The following PLCG2 variants were observed in gnomAD, a reference collection of about 807,000 sequenced individuals.
PLCG2 encodes the protein 1-phosphatidylinositol 4,5-bisphosphate phosphodiesterase gamma-2.
Under a neutral mutation model 175.6 loss-of-function variants are expected in PLCG2, and 69 were observed. That is an observed-to-expected ratio of 0.39 (90% CI 0.32 to 0.48). The LOEUF (loss-of-function observed/expected upper bound fraction) is 0.48. PLCG2 is among the 20% of genes least tolerant of loss of function. PLCG2 has a pLI of 0.91. For missense variants in PLCG2, 1,798 were observed against 1,650.9 expected (o/e 1.09, Z -1.54); for synonymous variants, 827 against 624.0 (o/e 1.33, Z -4.85).
intron 23 of PLCG2, 142 bp from the exon 24 acceptor site, chr16:81,928,416 C>G (rs1001314972): frequency 1.6e-6 from 1 of 636,924 alleles, no homozygotes; most frequent in Non-Finnish European, 2.9e-6. Flanking sequence ...TAGCTCTCTC[C>G]CCATGGACGT....
At chr16:81,942,914 A>G (rs1039417930) in intron 30 of PLCG2, among the ~76,000 whole-genome samples, 1 of 142,158 alleles carries the variant, frequency 7.0e-6, no homozygotes, top group Non-Finnish European at 1.5e-5. Context: ...GAAGAAAAAC[A>G]ATTATTTTTT....
At chr16:81,780,990 G>A (rs533622850) in intron 1 of PLCG2, among the ~76,000 whole-genome samples, 1 of 152,220 alleles carries the variant, frequency 6.6e-6, no homozygotes, top group Admixed American at 6.5e-5. Flanking sequence ...TCATGCCACT[G>A]CACTCCAGCC....
intron 7 of PLCG2, among the ~76,000 whole-genome samples, chr16:81,871,521 A>G (rs571570830): frequency 6.6e-6 from 1 of 152,210 alleles, no homozygotes; most frequent in Non-Finnish European, 1.5e-5. Context: ...TATTTTTAGT[A>G]GAGATGGGGT....
chr16:81,906,339 T>G lies in PLCG2; in HGVS notation c.1467+832T>G, dbSNP rs143058849. The G allele has an allele frequency of 2.4e-3, 370 of 152,364 alleles. 1 individual carries two copies. The highest frequency in any genetic ancestry group is 7.8e-3 in the African/African-American group (325 of 41,584). 9.4% of individuals were successfully genotyped at this position (152,364 alleles called of 1,614,324 possible). On this transcript the variant is annotated intron_variant, in intron 15 of 32. Transcript: ENST00000564138. ...TTAATGCTGCCTCTATCCCTTTACC[T>G]AATGTGTATATCCATTTTGAGTATA...
chr16:81,895,769 C>A, intron 12 of PLCG2, 38 bp from the exon 13 acceptor site: 1 of 1,612,312 alleles, frequency 6.2e-7, no homozygotes, highest in Non-Finnish European at 8.5e-7. Flanking sequence ...TGTCAGTGAA[C>A]ACACGTGGTA....
At chr16:81,834,996 A>C (rs531962279) in intron 2 of PLCG2, among the ~76,000 whole-genome samples, 68 of 152,124 alleles carry the variant, frequency 4.5e-4, no homozygotes, top group Non-Finnish European at 2.5e-4. Context: ...GGAAAGGCCC[A>C]TTGCCCACCT....
At chr16:81,883,136 A>G (rs916627391) in intron 8 of PLCG2, 133 bp from the exon 9 acceptor site, 2 of 721,440 alleles carry the variant, frequency 2.8e-6, no homozygotes, top group Non-Finnish European at 4.9e-6. Flanking sequence ...CTGTTGGCCA[A>G]CCTGGTACCT....
upstream of PLCG2, among the ~76,000 whole-genome samples, chr16:81,775,203 G>A (rs139909250): frequency 3.3e-5 from 5 of 152,302 alleles, no homozygotes; most frequent in East Asian, 9.6e-4. Flanking sequence ...CCAAAGAGCA[G>A]CCCTGTACCC....
chr16:81,935,461 T>C (rs1411953393), intron 26 of PLCG2: 1 of 903,750 alleles, frequency 1.1e-6, no homozygotes, highest in Non-Finnish European at 1.3e-6. Flanking sequence ...ATTCTCCAGG[T>C]AGCAAGCTTT....
chr16:81,921,180 C>G lies in PLCG2; in HGVS notation c.2236-18C>G, dbSNP rs1470233835. The stretch of plus-strand genomic sequence containing the variant: ...GGAGCATGGATTATTCCATTTCTTT[C>G]TTTCTTTTTTTTTCCAGGAAAGAGA... On this transcript the variant is annotated intron_variant, in intron 20 of 32. Transcript: ENST00000564138. 6.8e-7 allele frequency: 1 copy of G among 1,464,590 alleles called. No homozygotes were observed. The highest frequency in any genetic ancestry group is 2.3e-5 in the East Asian group (1 of 43,966). 90.7% of individuals were successfully genotyped at this position (1,464,590 alleles called of 1,614,324 possible).
rs1170726991 is a variant in PLCG2, at chr16:81,959,777, C to T, written c.*1779C>T. On this transcript the variant is annotated 3_prime_UTR_variant, in exon 33 of 33. Coordinates refer to ENST00000564138, the MANE Select transcript of PLCG2 (RefSeq NM_002661.5). ...CATTAGCCTTTGGCCAGGTAGCCAC[C>T]AGAACCTATTTATTGCACCTGGCAT... is the stretch of plus-strand genomic sequence containing the variant. The T allele has an allele frequency of 1.1e-5, 2 of 185,002 alleles. No individual in the cohort carries two copies. The highest frequency in any genetic ancestry group is 6.2e-5 in the Admixed American group (1 of 16,062). The allele number at this position is 185,002 out of a possible 1,614,324, so 11.5% of individuals were successfully genotyped here.
chr16:81,782,067 G>A (rs145377423), intron 1 of PLCG2, among the ~76,000 whole-genome samples: 2,004 of 152,126 alleles, frequency 0.013, 37 homozygotes, highest in African/African-American at 0.045. Flanking sequence ...TAGTAGAGAC[G>A]GGGTTTCATC....
At chr16:81,802,966 T>C (rs1298672877) in intron 2 of PLCG2, among the ~76,000 whole-genome samples, 1 of 152,212 alleles carries the variant, frequency 6.6e-6, no homozygotes, top group African/African-American at 2.4e-5. Flanking sequence ...AGTTTTAGAA[T>C]GTTTCATAAT....
chr16:81,826,851 G>A (rs1007758334), intron 2 of PLCG2, among the ~76,000 whole-genome samples: 1 of 152,200 alleles, frequency 6.6e-6, no homozygotes, highest in African/African-American at 2.4e-5. Context: ...ACAATTTTGA[G>A]TAATTGCTGG....
chr16:81,926,097 A>C (rs1003285409), intron 22 of PLCG2, among the ~76,000 whole-genome samples: 1 of 152,106 alleles, frequency 6.6e-6, no homozygotes, highest in Admixed American at 6.6e-5. Context: ...AGTGGGGGGA[A>C]GTTGGGTACC....
intron 2 of PLCG2, among the ~76,000 whole-genome samples, chr16:81,797,706 T>C (rs1397493480): frequency 1.3e-5 from 2 of 152,244 alleles, no homozygotes; most frequent in African/African-American, 4.8e-5. Context: ...GGGGTTGAGA[T>C]AGGGCACCTC....
chr16:81,745,880 G>C (rs780692985), intron 1 of PLCG2, among the ~76,000 whole-genome samples: 2 of 152,208 alleles, frequency 1.3e-5, no homozygotes, highest in Non-Finnish European at 2.9e-5. Context: ...TCAGCGGCCA[G>C]ACGTTATTCC....
chr16:81,849,468 T>A (rs1906288906), intron 2 of PLCG2, among the ~76,000 whole-genome samples: 1 of 152,146 alleles, frequency 6.6e-6, no homozygotes, highest in African/African-American at 2.4e-5. Flanking sequence ...AGTTCAAAGA[T>A]CCCCTCTTGG....
intron 28 of PLCG2, 122 bp downstream of exon 28, chr16:81,938,025 C>A: frequency 1.3e-6 from 1 of 798,348 alleles, no homozygotes; most frequent in African/African-American, 1.7e-5. Context: ...TTAAACGATC[C>A]CCATTCAGGC....
Sources: allele counts gnomAD v4.1 joint callset (sites outside exome capture counted in the v4.1 genomes callset), GRCh38; gene constraint gnomAD v4.1.1; transcripts MANE v1.5; gene names NCBI Gene and HGNC (gene_info 2026-07-23, HGNC 2026-07-21).